Variants in SCMH1 observed in about 807,000 individuals in gnomAD.
SCMH1 encodes the protein polycomb protein SCMH1.
A neutral mutation model predicts 70.8 loss-of-function variants in SCMH1; 37 were observed. The observed-to-expected ratio is 0.52, with a 90% CI of 0.40 to 0.69. The LOEUF is 0.69. Ranked by LOEUF, SCMH1 falls within the 30% of genes least tolerant of loss-of-function variation. The probability of loss-of-function intolerance (pLI) is 0.00; values close to 1 mark genes in which losing one functional copy is unlikely to be tolerated. For synonymous variants in SCMH1, 292 were observed against 307.4 expected (o/e 0.95, Z 0.52); for missense variants, 607 against 827.3 (o/e 0.73, Z 3.27).
Position 41,202,701 on chromosome 1 carries a change from G to A in SCMH1, c.-117-16451C>T, listed in dbSNP as rs145379097. ...ACTAAGAGCACTGATTTTCAGCAAGGGAATAGGAGGTAGGAGTAATATGAT... is the reference window on the plus strand; with the variant it reads ...ACTAAGAGCACTGATTTTCAGCAAGAGAATAGGAGGTAGGAGTAATATGAT... On this transcript the variant is annotated intron_variant, in intron 1 of 14. Coordinates refer to ENST00000337495, the Ensembl canonical transcript of SCMH1. Among the ~76,000 whole-genome samples the A allele has an allele frequency of 4.6e-5, 7 of 152,174 alleles. No homozygotes were observed. In the East Asian group the frequency reaches 7.7e-4, roughly 17 times the overall value.
At chr1:41,164,441 G>C (rs1344118565) in intron 2 of SCMH1, among the ~76,000 whole-genome samples, 1 of 43,630 alleles carries the variant, frequency 2.3e-5, no homozygotes, top group African/African-American at 2.5e-4. Flanking sequence ...CTTAGGGGAT[G>C]ACTTTAATTC....
chr1:41,130,876 A>G (rs1674513543), intron 6 of SCMH1, among the ~76,000 whole-genome samples: 1 of 152,136 alleles, frequency 6.6e-6, no homozygotes, highest in Admixed American at 6.5e-5. Context: ...CCATTGTGTG[A>G]GCTGTCTTTT....
chr1:41,163,055 G>C (rs1189753159), intron 2 of SCMH1: 1 of 152,314 alleles, frequency 6.6e-6, no homozygotes, highest in Non-Finnish European at 1.5e-5. Flanking sequence ...AAGAGCTGCA[G>C]CCCTTTGGGG....
intron 6 of SCMH1, among the ~76,000 whole-genome samples, chr1:41,136,147 T>C (rs1340406534): frequency 6.6e-6 from 1 of 152,016 alleles, no homozygotes; most frequent in East Asian, 1.9e-4. Flanking sequence ...AGTTTTGCCA[T>C]GCTGCCCAGG....
exon 12 of SCMH1, chr1:41,046,431 G>A: frequency 6.2e-7 from 1 of 1,614,204 alleles, no homozygotes; most frequent in African/African-American, 1.3e-5. Context: ...TCGTGGCTGT[G>A]GCTGTACTCT....
intron 1 of SCMH1, among the ~76,000 whole-genome samples, chr1:41,229,281 TATAAGA>T (rs1371393776): frequency 2.0e-5 from 3 of 152,098 alleles, no homozygotes; most frequent in Admixed American, 6.5e-5. Flanking sequence ...AGGAGTCACA[TATAAGA>T]ATAAGATTGG....
intron 1 of SCMH1, among the ~76,000 whole-genome samples, chr1:41,200,472 G>A (rs914519560): frequency 5.5e-5 from 8 of 145,144 alleles, no homozygotes; most frequent in Non-Finnish European, 9.1e-5. Context: ...AGCAAAACTC[G>A]TCTCAAAAAA....
At chr1:41,065,238 T>C (rs1042912075) in intron 10 of SCMH1, among the ~76,000 whole-genome samples, 1 of 152,026 alleles carries the variant, frequency 6.6e-6, no homozygotes, top group Non-Finnish European at 1.5e-5. Context: ...ATCCCAGCAC[T>C]TTGGGAGATC....
intron 9 of SCMH1, among the ~76,000 whole-genome samples, chr1:41,071,842 T>G (rs1243391231): frequency 6.6e-6 from 1 of 152,034 alleles, no homozygotes; most frequent in Non-Finnish European, 1.5e-5. Flanking sequence ...TTTAAATTTT[T>G]TGTAGAGATG....
intron 1 of SCMH1, among the ~76,000 whole-genome samples, chr1:41,240,624 T>G (rs1663308126): frequency 6.6e-6 from 1 of 152,114 alleles, no homozygotes; most frequent in African/African-American, 2.4e-5. Context: ...CATTTTGATG[T>G]ACATTAGTTA....
intron 2 of SCMH1, among the ~76,000 whole-genome samples, chr1:41,164,363 T>C (rs188540345): frequency 6.6e-6 from 1 of 151,746 alleles, no homozygotes; most frequent in East Asian, 1.9e-4. Context: ...TTTTCCAATT[T>C]CTAAAAAAAA....
intron 12 of SCMH1, among the ~76,000 whole-genome samples, chr1:41,044,341 G>A (rs1277757790): frequency 6.6e-6 from 1 of 152,176 alleles, no homozygotes; most frequent in Non-Finnish European, 1.5e-5. Context: ...GACAGCTCTT[G>A]TACAGATCGA....
chr1:41,184,889 T>C (rs772850519), intron 2 of SCMH1, among the ~76,000 whole-genome samples: 7 of 152,212 alleles, frequency 4.6e-5, no homozygotes, highest in African/African-American at 1.7e-4. Flanking sequence ...TGAGATATTA[T>C]AGTAGCAACT....
intron 13 of SCMH1, among the ~76,000 whole-genome samples, chr1:41,029,220 G>C (rs1334589299): frequency 6.6e-6 from 1 of 151,782 alleles, no homozygotes; most frequent in Non-Finnish European, 1.5e-5. Flanking sequence ...CTGGTTTTTT[G>C]GTTTCTTTGA....
At chr1:41,063,113 T>G (rs1653333944) in intron 10 of SCMH1, among the ~76,000 whole-genome samples, 1 of 151,940 alleles carries the variant, frequency 6.6e-6, no homozygotes, top group Non-Finnish European at 1.5e-5. Flanking sequence ...AAATCCAAAG[T>G]AAGCAGAAAA....
chr1:41,150,231 G>A (rs1056311917), intron 5 of SCMH1, among the ~76,000 whole-genome samples: 6 of 152,134 alleles, frequency 3.9e-5, no homozygotes, highest in Non-Finnish European at 8.8e-5. Context: ...GGCTAGGCCC[G>A]GTGGCTCACA....
intron 6 of SCMH1, among the ~76,000 whole-genome samples, chr1:41,138,904 T>C (rs1643772229): frequency 2.0e-5 from 3 of 152,188 alleles, no homozygotes; most frequent in African/African-American, 7.2e-5. Context: ...TTTTTATATA[T>C]CTTAAATTTT....
At chr1:41,163,392 C>G (rs1397607886) in intron 2 of SCMH1, among the ~76,000 whole-genome samples, 1 of 152,160 alleles carries the variant, frequency 6.6e-6, no homozygotes, top group African/African-American at 2.4e-5. Context: ...CCTGCCAGGC[C>G]AAGTGAGTGG....
At chr1:41,225,241 G>C (rs1298722109) in intron 1 of SCMH1, among the ~76,000 whole-genome samples, 4 of 152,078 alleles carry the variant, frequency 2.6e-5, no homozygotes, top group Non-Finnish European at 5.9e-5. Flanking sequence ...TTCATTACTT[G>C]CATTTTCTAA....
Sources: allele counts gnomAD v4.1 joint callset (sites outside exome capture counted in the v4.1 genomes callset), GRCh38; gene constraint gnomAD v4.1.1; transcripts MANE v1.5; gene names NCBI Gene and HGNC (gene_info 2026-07-23, HGNC 2026-07-21).